The following TMPRSS15 variants were observed in gnomAD, a reference collection of about 807,000 sequenced individuals.
TMPRSS15 encodes the protein enteropeptidase.
In TMPRSS15, 128 loss-of-function variants were observed where a neutral mutation model predicts 125.3. That is an observed-to-expected ratio of 1.02 (90% CI 0.89 to 1.18). The LOEUF (loss-of-function observed/expected upper bound fraction) is 1.18. Among genes scored for constraint, TMPRSS15 ranks in the 50% most tolerant of loss-of-function variants. The probability of loss-of-function intolerance (pLI) is 0.00; values close to 1 mark genes in which losing one functional copy is unlikely to be tolerated. For missense variants in TMPRSS15, 1,283 were observed against 1,212.7 expected (o/e 1.06, Z -0.86); for synonymous variants, 446 against 423.2 (o/e 1.05, Z -0.66).
At chr21:18,390,876 G>A (rs954553900) in intron 3 of TMPRSS15, among the ~76,000 whole-genome samples, 1 of 152,164 alleles carries the variant, frequency 6.6e-6, no homozygotes, top group Non-Finnish European at 1.5e-5. Flanking sequence ...CCACATGGCT[G>A]GGGAGGCCTC....
intron 1 of TMPRSS15, among the ~76,000 whole-genome samples, chr21:18,432,233 T>C (rs755452206): frequency 4.6e-5 from 7 of 152,206 alleles, no homozygotes; most frequent in Admixed American, 2.0e-4. Context: ...TCCAAGAGTT[T>C]TCTCCTCTGA....
chr21:18,478,637 G>T (rs1440482262), intron 1 of TMPRSS15, among the ~76,000 whole-genome samples: 2 of 151,890 alleles, frequency 1.3e-5, no homozygotes, highest in Non-Finnish European at 2.9e-5. Context: ...TGTCTCTCCA[G>T]TCTCCTCTAA....
chr21:18,365,238 A>G lies in TMPRSS15; in HGVS notation c.675T>C (p.Cys225=), dbSNP rs376072076. 1.2e-6 allele frequency: 2 copies of G among 1,613,862 alleles called. No homozygotes were observed. Among genetic ancestry groups the G allele is most frequent in the African/African-American group, 2.7e-5 (2 of 74,920 alleles). ...ATCCAGTTAACAAAAATCTTCCATC[A>G]CAAACTGTGGCTGCAAAACGATGCC... ...DEDNKMCATV[C]DGRFLLTGSS... The change falls in exon 7 of 25, where the codon TGT becomes TGC. Residue 225 remains cysteine (C), a synonymous_variant. Transcript: ENST00000284885.
At chr21:18,354,322 A>G (rs905009498) in intron 8 of TMPRSS15, among the ~76,000 whole-genome samples, 32 of 151,836 alleles carry the variant, frequency 2.1e-4, no homozygotes, top group African/African-American at 6.8e-4. Flanking sequence ...GCTTGTAACT[A>G]TACGACCTCA....
chr21:18,365,720 C>T (rs1332869825), intron 6 of TMPRSS15, among the ~76,000 whole-genome samples: 1 of 107,590 alleles, frequency 9.3e-6, no homozygotes, highest in African/African-American at 3.6e-5. Flanking sequence ...CTCTCTCTTT[C>T]TTTCTCTTCT....
chr21:18,478,847 A>C (rs1978927162), intron 1 of TMPRSS15, among the ~76,000 whole-genome samples: 1 of 152,052 alleles, frequency 6.6e-6, no homozygotes, highest in Admixed American at 6.6e-5. Flanking sequence ...AATTTGATTA[A>C]GATAGTTTTG....
intron 1 of TMPRSS15, among the ~76,000 whole-genome samples, chr21:18,470,653 C>T (rs1039159350): frequency 6.6e-6 from 1 of 151,962 alleles, no homozygotes; most frequent in Non-Finnish European, 1.5e-5. Context: ...CTTTATTCTC[C>T]TTTGTTGTTT....
chr21:18,378,513 T>A (rs1206069025), intron 5 of TMPRSS15, among the ~76,000 whole-genome samples: 2 of 152,162 alleles, frequency 1.3e-5, no homozygotes, highest in African/African-American at 4.8e-5. Flanking sequence ...AAGAATCCTT[T>A]ATCCTTGCCA....
chr21:18,343,707 G>A, intron 11 of TMPRSS15, 51 bp from the exon 12 acceptor site: 4 of 1,556,208 alleles, frequency 2.6e-6, no homozygotes, highest in Non-Finnish European at 3.5e-6. Context: ...ATTAGAATAA[G>A]TCCTTTTCAG....
intron 3 of TMPRSS15, among the ~76,000 whole-genome samples, chr21:18,395,677 A>C (rs2076028082): frequency 6.6e-6 from 1 of 152,182 alleles, no homozygotes; most frequent in African/African-American, 2.4e-5. Flanking sequence ...AAAACATCTG[A>C]ATTTTTTTAG....
rs552586655 is a variant in TMPRSS15 at position 18,318,191 on chromosome 21, G to A, written c.1922-2935C>T. Reference sequence around the variant, plus strand: ...TGACAACTGCCTGGCAGGGAAGCCCGGCTCTAGCACAAAAAGTGGAGGAAT... The same window carrying A: ...TGACAACTGCCTGGCAGGGAAGCCCAGCTCTAGCACAAAAAGTGGAGGAAT... On this transcript the variant is annotated intron_variant, in intron 16 of 24. Coordinates refer to ENST00000284885, the MANE Select transcript of TMPRSS15 (RefSeq NM_002772.3). Among the ~76,000 whole-genome samples the A allele has an allele frequency of 5.3e-5, 8 of 152,258 alleles. No homozygotes were observed. In the East Asian group the frequency reaches 7.7e-4, roughly 15 times the overall value.
intron 16 of TMPRSS15, among the ~76,000 whole-genome samples, chr21:18,325,981 C>T (rs2146960626): frequency 6.6e-6 from 1 of 152,104 alleles, no homozygotes; most frequent in East Asian, 1.9e-4. Flanking sequence ...CACTGTGGTG[C>T]TTTACTCTGG....
In TMPRSS15 at chr21:18,270,076, G is replaced by C. The variant is rs750010344; in HGVS notation, c.2953C>G (p.Leu985Val). Reference sequence around the variant, plus strand: ...TATCCAAATGAGGTCACACCAGCAAGGAACCACCTGTTGTTTTCTTGGCAC... The same window carrying C: ...TATCCAAATGAGGTCACACCAGCAACGAACCACCTGTTGTTTTCTTGGCAC... ...LMCQENNRWFLAGVTSFGYKC... is the reference protein window; with the variant it reads ...LMCQENNRWFVAGVTSFGYKC... Residue 985 changes from leucine (L) to valine (V), a missense_variant, in exon 25 of 25, where the codon CTT becomes GTT. Coordinates refer to ENST00000284885, the MANE Select transcript of TMPRSS15 (RefSeq NM_002772.3). The C allele has an allele frequency of 3.1e-6, 5 of 1,613,788 alleles. No individual in the cohort carries two copies. In the African/African-American group the frequency reaches 5.3e-5, roughly 17 times the overall value.
At chr21:18,277,110 G>A (rs1406910885) in intron 23 of TMPRSS15, among the ~76,000 whole-genome samples, 2 of 152,016 alleles carry the variant, frequency 1.3e-5, no homozygotes, top group African/African-American at 2.4e-5. Context: ...AAGTCATAAA[G>A]CAAAGTTCAT....
At position 18,450,987 on chromosome 21, in the gene TMPRSS15, T is replaced by G. The variant is rs370931622; in HGVS notation, c.10+34812A>C. Among the ~76,000 whole-genome samples, 19 of 148,118 alleles carry G rather than the reference T, an allele frequency of 1.3e-4. No homozygotes were observed. The South Asian group carries it at 1.7e-3, about 13-fold the overall frequency. ...AAAAATTCGCTGATTATTCTTATCC[T>G]ACCCATTTTAAGATAATCCACAATT... is the stretch of plus-strand genomic sequence containing the variant. On this transcript the variant is annotated intron_variant, in intron 1 of 7. Coordinates refer to the TMPRSS15 transcript ENST00000422787.
chr21:18,403,367 A>C (rs1569059864), intron 1 of TMPRSS15, 111 bp downstream of exon 1: 3 of 1,453,486 alleles, frequency 2.1e-6, no homozygotes, highest in Non-Finnish European at 2.9e-6. Context: ...TTGAAAGCCC[A>C]AAATAATGCA....
chr21:18,319,409 AT>A (rs1191466155), intron 16 of TMPRSS15, among the ~76,000 whole-genome samples: 2,238 of 142,572 alleles, frequency 0.016, 61 homozygotes, highest in African/African-American at 0.054. Context: ...GTAAAAAAAA[AT>A]CTTCTTCACC....
At chr21:18,318,111 A>G (rs938533925) in intron 16 of TMPRSS15, among the ~76,000 whole-genome samples, 5 of 152,188 alleles carry the variant, frequency 3.3e-5, no homozygotes, top group Non-Finnish European at 2.9e-5. Context: ...AATTCCTATG[A>G]AATGAAATCA....
intron 21 of TMPRSS15, among the ~76,000 whole-genome samples, chr21:18,286,426 A>C (rs2074765946): frequency 6.6e-6 from 1 of 152,192 alleles, no homozygotes; most frequent in Non-Finnish European, 1.5e-5. Flanking sequence ...GGCTGATACC[A>C]ACTTGGATGT....
Sources: gnomAD v4.1 joint callset for allele counts (sites outside exome capture counted in the v4.1 genomes callset) on GRCh38, gnomAD v4.1.1 for gene constraint, MANE v1.5 for transcripts, NCBI Gene and HGNC (gene_info 2026-07-23, HGNC 2026-07-21) for gene names.